Variants in MAP3K4 observed in about 807,000 individuals in gnomAD.
MAP3K4 encodes MAP three kinase 1.
A neutral mutation model predicts 185.6 loss-of-function variants in MAP3K4; 67 were observed. The ratio of observed to expected loss-of-function variants is 0.36; its 90% CI spans 0.30 to 0.44. MAP3K4 has a LOEUF of 0.44. MAP3K4 is among the 20% of genes least tolerant of loss of function. The pLI, the probability that MAP3K4 is intolerant of heterozygous loss-of-function variation, is 1.00. For synonymous variants in MAP3K4, 702 were observed against 710.4 expected, an observed-to-expected ratio of 0.99 and a Z score of 0.19; for missense variants, 1,551 against 1,995.1, an observed-to-expected ratio of 0.78 and a Z score of 4.24.
intron 3 of MAP3K4, among the ~76,000 whole-genome samples, chr6:161,062,203 T>C (rs1784515290): frequency 6.6e-6 from 1 of 152,222 alleles, no homozygotes; most frequent in Non-Finnish European, 1.5e-5. Context: ...ATTGGAATTA[T>C]CCTTTTATTT....
chr6:160,992,515 A>C (rs1446219279), intron 1 of MAP3K4, among the ~76,000 whole-genome samples: 1 of 152,144 alleles, frequency 6.6e-6, no homozygotes, highest in East Asian at 1.9e-4. Context: ...TCGAGTGCGT[A>C]CTGGCTATTT....
rs1439246229 is a variant in MAP3K4 at position 161,115,350 on chromosome 6, T to C, written c.4806+48T>C. The C allele has an allele frequency of 6.5e-7, 1 of 1,536,008 alleles. No individual in the cohort carries two copies. The highest frequency in any genetic ancestry group is 8.8e-7 in the Non-Finnish European group (1 of 1,132,820). ...CTTTTTCATGTTTAAGTGTTTAAGT[T>C]CTGTTTTGCATCAAGACGTTAATGA... is the stretch of plus-strand genomic sequence containing the variant. On this transcript the variant is annotated intron_variant, in intron 26 of 26. Coordinates refer to ENST00000392142, the MANE Select transcript of MAP3K4 (RefSeq NM_005922.4). This position sits in a 1 kb window ranked among gnomAD's most constrained non-coding sequence, Gnocchi z 6.0.
At chr6:161,009,611 A>C (rs995169029) in intron 1 of MAP3K4, among the ~76,000 whole-genome samples, 1 of 152,176 alleles carries the variant, frequency 6.6e-6, no homozygotes, top group Non-Finnish European at 1.5e-5. Flanking sequence ...TTGTGTGTAC[A>C]TATCACACTT....
intron 19 of MAP3K4, among the ~76,000 whole-genome samples, chr6:161,105,182 G>A (rs978842201): frequency 1.3e-5 from 2 of 152,178 alleles, no homozygotes; most frequent in Non-Finnish European, 2.9e-5. Flanking sequence ...AAGGGTAATA[G>A]CTCACAGAAC....
rs188653998 is a variant in MAP3K4 at position 161,088,992 on chromosome 6, C to T, written c.2824-330C>T. On this transcript the variant is annotated intron_variant, in intron 10 of 26. Coordinates refer to ENST00000392142, the MANE Select transcript of MAP3K4 (RefSeq NM_005922.4). This position sits in a 1 kb window ranked among gnomAD's most constrained non-coding sequence, Gnocchi z 4.5. ...CATTTTCCTTCTTCATATGCTGCTC[C>T]AATACACACACACATGCACACATAC... 5.9e-5 allele frequency among the ~76,000 whole-genome samples: 9 copies of T among 151,958 alleles called. No homozygotes were observed. Among genetic ancestry groups the T allele is most frequent in the East Asian group, 1.9e-4 (1 of 5,174 alleles).
chr6:161,024,190 A>G (rs1782533579), intron 1 of MAP3K4, among the ~76,000 whole-genome samples: 2 of 152,032 alleles, frequency 1.3e-5, no homozygotes, highest in Admixed American at 1.3e-4. Flanking sequence ...GCTGGTGTCA[A>G]ACTGCTGGCT....
intron 19 of MAP3K4, 43 bp downstream of exon 19, chr6:161,102,822 A>AC (rs778206093): frequency 3.1e-6 from 4 of 1,279,238 alleles, no homozygotes; most frequent in Non-Finnish European, 4.3e-6. Flanking sequence ...AAAAAAAAAA[A>AC]AACACGATTA....
intron 2 of MAP3K4, among the ~76,000 whole-genome samples, chr6:161,046,320 A>G (rs942921729): frequency 6.6e-6 from 1 of 152,160 alleles, no homozygotes; most frequent in Non-Finnish European, 1.5e-5. Context: ...GGTATAAAAA[A>G]CACAGTTAAA....
Position 161,116,781 on chromosome 6 carries a change from C to G in MAP3K4, c.4807-69C>G, listed in dbSNP as rs1485040682. The G allele has an allele frequency of 4.2e-6, 6 of 1,422,868 alleles. No individual in the cohort carries two copies. 88.1% of individuals were successfully genotyped at this position (1,422,868 alleles called of 1,614,324 possible). A position where few individuals can be genotyped will look rare whatever the true frequency, so the allele number is the denominator to read the frequency against. ...TGGATGGGGCCTTCCCCGTAAGACT[C>G]ATACTGCGCGTATGCACAAGCACAC... On this transcript the variant is annotated intron_variant, in intron 26 of 26. Transcript: ENST00000392142. This position sits in a 1 kb window ranked among gnomAD's most constrained non-coding sequence, Gnocchi z 6.2.
At chr6:161,028,333 AC>A (rs1334683161) in intron 1 of MAP3K4, among the ~76,000 whole-genome samples, 1 of 152,128 alleles carries the variant, frequency 6.6e-6, no homozygotes. Flanking sequence ...TTTGATTAAA[AC>A]TTGTATTCTT....
intron 10 of MAP3K4, 117 bp from the exon 11 acceptor site, chr6:161,089,205 A>C (rs1471898626): frequency 1.8e-6 from 2 of 1,100,292 alleles, no homozygotes; most frequent in Non-Finnish European, 2.6e-6. Context: ...CTTTCTGATT[A>C]GATGGTTGTT....
chr6:161,034,401 C>A lies in MAP3K4; in HGVS notation c.295C>A (p.His99Asn), dbSNP rs1334229611. The change falls in exon 2 of 27, where the codon CAT becomes AAT. Residue 99 changes from histidine (H) to asparagine (N), a missense_variant. Transcript: ENST00000392142. This position sits in a 1 kb window ranked among gnomAD's most constrained non-coding sequence, Gnocchi z 4.4. The stretch of plus-strand genomic sequence containing the variant: ...ACAGATGAAACGCATGTCAACCAAA[C>A]ATCAGAGGAATAATGTGGGGAGGCC... Reference protein sequence around the residue: ...PRQMKRMSTKHQRNNVGRPAS... With the variant: ...PRQMKRMSTKNQRNNVGRPAS... 2 of 1,613,920 alleles carry A rather than the reference C, an allele frequency of 1.2e-6. No individual in the cohort carries two copies. The highest frequency in any genetic ancestry group is 1.1e-5 in the South Asian group (1 of 91,078).
Position 161,086,229 on chromosome 6 carries a change from C to A in MAP3K4, c.2373-150C>A. ...AGGCTTCTGAATGTTTTGACTACAT[C>A]TTCAATAATAGTTTGTTCCCATTTA... On this transcript the variant is annotated intron_variant, in intron 7 of 26. Transcript: ENST00000392142. The surrounding 1 kb of genome is among the most constrained non-coding windows in gnomAD (Gnocchi z 4.8). 1 of 496,172 alleles carries A rather than the reference C, an allele frequency of 2.0e-6. No individual in the cohort carries two copies. The highest frequency in any genetic ancestry group is 4.1e-5 in the South Asian group (1 of 24,214). 30.7% of individuals were successfully genotyped at this position (496,172 alleles called of 1,614,324 possible).
Position 161,068,271 on chromosome 6 carries a change from A to G in MAP3K4, c.1708-2337A>G, listed in dbSNP as rs78396449. 2.7e-3 allele frequency among the ~76,000 whole-genome samples: 409 copies of G among 152,330 alleles called. 1 individual carries two copies. The highest frequency in any genetic ancestry group is 9.5e-3 in the African/African-American group (396 of 41,570). ...ACAAATACTGTGAGAAAAGGGAGAG[A>G]TTAAATGAGTTATTTGAGGCAATCA... is the stretch of plus-strand genomic sequence containing the variant. On this transcript the variant is annotated intron_variant, in intron 3 of 26. Coordinates refer to ENST00000392142, the MANE Select transcript of MAP3K4 (RefSeq NM_005922.4).
chr6:161,113,229 A>ACAT (rs1363904211), intron 25 of MAP3K4, among the ~76,000 whole-genome samples: 1 of 152,226 alleles, frequency 6.6e-6, no homozygotes, highest in Non-Finnish European at 1.5e-5. Context: ...AAAGACATGG[A>ACAT]GGAACCTTCA....
chr6:161,073,557 A>G lies in MAP3K4; in HGVS notation c.2042A>G (p.Glu681Gly). Residue 681 changes from glutamate to glycine, a missense_variant, in exon 5 of 27, where the codon GAG (glutamate) becomes GGG (glycine). By Grantham distance (98) the Glu-to-Gly change is moderately conservative. Coordinates refer to ENST00000392142, the MANE Select transcript of MAP3K4 (RefSeq NM_005922.4). This position sits in a 1 kb window ranked among gnomAD's most constrained non-coding sequence, Gnocchi z 4.2. ...CTGCAGGAGGTTCTGGAGGACTTGGAGAAGCCCGACTGCAACATTGACGCT... is the reference window on the plus strand; with the variant it reads ...CTGCAGGAGGTTCTGGAGGACTTGGGGAAGCCCGACTGCAACATTGACGCT... ...FMLQEVLEDL[E>G]KPDCNIDAFE... is the part of the protein sequence containing the mutation. 6.2e-7 allele frequency: 1 copy of G among 1,614,038 alleles called. No homozygotes were observed. The highest frequency in any genetic ancestry group is 1.7e-5 in the Admixed American group (1 of 59,996).
chr6:161,089,797 C>T (rs560809261), intron 11 of MAP3K4, among the ~76,000 whole-genome samples: 43 of 152,284 alleles, frequency 2.8e-4, no homozygotes, highest in African/African-American at 9.4e-4. Context: ...ATTCTCCTTT[C>T]ACAATCCCCA....
chr6:161,038,334 G>T lies in MAP3K4; in HGVS notation c.343+3885G>T, dbSNP rs1248759027. On this transcript the variant is annotated intron_variant, in intron 2 of 26. Transcript: ENST00000392142. ...ACATTTGTGCTGTGACCTCAAAGCT[G>T]AGTCAGGAAGACTAGTATTTCAGAC... Among the ~76,000 whole-genome samples the T allele has an allele frequency of 2.0e-5, 3 of 152,214 alleles. No homozygotes were observed. In the East Asian group the frequency reaches 5.8e-4, roughly 29 times the overall value.
intron 6 of MAP3K4, among the ~76,000 whole-genome samples, chr6:161,081,325 G>A (rs530213850): frequency 6.6e-6 from 1 of 152,142 alleles, no homozygotes; most frequent in Non-Finnish European, 1.5e-5. Flanking sequence ...GCACATTCAC[G>A]GCACACAGAA....
Sources: allele counts gnomAD v4.1 joint callset (sites outside exome capture counted in the v4.1 genomes callset), GRCh38; gene constraint gnomAD v4.1.1; non-coding constraint Gnocchi (gnomAD v3.1); transcripts MANE v1.5; gene names NCBI Gene and HGNC (gene_info 2026-07-23, HGNC 2026-07-21).